The following ST18 variants were observed in gnomAD, a reference collection of about 807,000 sequenced individuals.
ST18 encodes the protein suppression of tumorigenicity 18 protein.
In ST18, 50 loss-of-function variants were observed where a neutral mutation model predicts 110.0. That is an observed-to-expected ratio of 0.45 (90% confidence interval 0.36 to 0.58). ST18 has a LOEUF of 0.58. Among genes scored for constraint, ST18 ranks in the 20% least tolerant of loss-of-function variants. The probability of loss-of-function intolerance (pLI) is 0.00; values close to 1 mark genes in which losing one functional copy is unlikely to be tolerated. For missense variants in ST18, 1,306 were observed against 1,280.1 expected (o/e 1.02, Z -0.31); for synonymous variants, 461 against 452.4 (o/e 1.02, Z -0.24).
At chr8:52,171,519 T>A (rs2064949379) in intron 10 of ST18, 2 of 528,992 alleles carry the variant, frequency 3.8e-6, no homozygotes, top group African/African-American at 3.8e-5. Flanking sequence ...TCTAAAGGTA[T>A]GATGCATTTA....
intron 15 of ST18, among the ~76,000 whole-genome samples, chr8:52,156,060 C>A (rs2059940775): frequency 6.6e-6 from 1 of 152,186 alleles, no homozygotes; most frequent in South Asian, 2.1e-4. Flanking sequence ...GTCAAATTCC[C>A]TGCAAAGCCA....
chr8:52,299,442 A>T (rs949724661), intron 2 of ST18, among the ~76,000 whole-genome samples: 6 of 152,180 alleles, frequency 3.9e-5, no homozygotes, highest in Non-Finnish European at 8.8e-5. Flanking sequence ...ATTTTAAAAT[A>T]TCAGTCTCTA....
rs929750581 is a variant in ST18 at position 52,168,280 on chromosome 8, T to C, written c.1070-1294A>G. ...AGATGCTGATAGTGGAAACAGGCAG[T>C]GTGGTCCTGCCCGAGAAGATGCTGA... On this transcript the variant is annotated intron_variant, in intron 10 of 25. Coordinates refer to ENST00000689386, the MANE Select transcript of ST18 (RefSeq NM_001352837.2). Among the ~76,000 whole-genome samples, 3 of 147,126 alleles carry C rather than the reference T, an allele frequency of 2.0e-5. No homozygotes were observed. In the Admixed American group the frequency reaches 2.1e-4, roughly 10 times the overall value.
At chr8:52,229,024 G>T (rs1201005876) in intron 3 of ST18, among the ~76,000 whole-genome samples, 2 of 152,148 alleles carry the variant, frequency 1.3e-5, no homozygotes, top group African/African-American at 4.8e-5. Flanking sequence ...GTAGAAAACA[G>T]AACTCTCTGA....
rs577370666 is a variant in ST18, at chr8:52,215,794, T to G, written c.1-1537A>C. Among the ~76,000 whole-genome samples, 14 of 152,334 alleles carry G rather than the reference T, an allele frequency of 9.2e-5. 2 individuals are homozygous for G. In the South Asian group the frequency reaches 2.9e-3, roughly 32 times the overall value. ...ACTGCCTAAGATGAAAATGGCTTGG[T>G]TTACTCAGGATAGTAAGCACTGTGT... On this transcript the variant is annotated intron_variant, in intron 6 of 25. Transcript: ENST00000689386.
intron 19 of ST18, among the ~76,000 whole-genome samples, chr8:52,135,994 G>C (rs993786806): frequency 1.6e-4 from 25 of 152,050 alleles, no homozygotes; most frequent in South Asian, 6.2e-4. Flanking sequence ...GGACTAAAAG[G>C]TAGACTATAA....
At chr8:52,398,285 A>G (rs1445261429) in intron 2 of ST18, among the ~76,000 whole-genome samples, 2 of 152,168 alleles carry the variant, frequency 1.3e-5, no homozygotes, top group African/African-American at 2.4e-5. Flanking sequence ...CTACAAATGT[A>G]CTGAATTCAT....
At chr8:52,217,353 T>TC (rs1269948237) in intron 6 of ST18, among the ~76,000 whole-genome samples, 2 of 152,144 alleles carry the variant, frequency 1.3e-5, no homozygotes, top group African/African-American at 4.8e-5. Context: ...ACTCTGCCAC[T>TC]CTTATTTTCC....
At chr8:52,248,621 A>C (rs754985609) in intron 2 of ST18, 6 of 152,224 alleles carry the variant, frequency 3.9e-5, no homozygotes, top group Non-Finnish European at 8.8e-5. Flanking sequence ...AGGATCCTGC[A>C]ATGTTACACT....
chr8:52,331,316 A>G (rs554482175), intron 2 of ST18, among the ~76,000 whole-genome samples: 1 of 151,468 alleles, frequency 6.6e-6, no homozygotes, highest in South Asian at 2.1e-4. Context: ...GTATTTATGA[A>G]TAATATTTGT....
At chr8:52,204,057 G>A (rs1374365154) in intron 8 of ST18, among the ~76,000 whole-genome samples, 1 of 152,198 alleles carries the variant, frequency 6.6e-6, no homozygotes, top group Non-Finnish European at 1.5e-5. Context: ...CATGATGAAT[G>A]TTTAAGGAAG....
At chr8:52,158,672 A>G (rs910119432) in intron 15 of ST18, among the ~76,000 whole-genome samples, 40 of 152,256 alleles carry the variant, frequency 2.6e-4, no homozygotes, top group African/African-American at 7.7e-4. Flanking sequence ...TTGGTACCCC[A>G]ACTTCAAGAG....
intron 16 of ST18, 92 bp downstream of exon 16, chr8:52,149,640 A>G: frequency 6.8e-7 from 1 of 1,477,480 alleles, no homozygotes; most frequent in Non-Finnish European, 9.1e-7. Context: ...TTATCTAAAC[A>G]GGAATGTGAA....
intron 8 of ST18, among the ~76,000 whole-genome samples, chr8:52,180,937 TAAA>T (rs754683266): frequency 8.5e-5 from 13 of 152,168 alleles, no homozygotes; most frequent in Non-Finnish European, 1.9e-4. Context: ...ACAGAACAAA[TAAA>T]AGGAGGAGAA....
At chr8:52,216,994 A>G (rs2084531972) in intron 6 of ST18, among the ~76,000 whole-genome samples, 1 of 152,216 alleles carries the variant, frequency 6.6e-6, no homozygotes, top group Non-Finnish European at 1.5e-5. Flanking sequence ...TCAAGAAATC[A>G]ACCTAACTTG....
In ST18 at chr8:52,205,098, T is replaced by C. The variant is rs73681230; in HGVS notation, c.86+6981A>G. 2.2e-3 allele frequency among the ~76,000 whole-genome samples: 325 copies of C among 148,828 alleles called. 1 individual carries two copies. The highest frequency in any genetic ancestry group is 2.0e-3 in the Non-Finnish European group (137 of 67,034). On this transcript the variant is annotated intron_variant, in intron 8 of 25. Transcript: ENST00000689386. Reference sequence around the variant, plus strand: ...ACCATTTTATATATACATATATATATACACACACACACACACACTATGCTT... The same window carrying C: ...ACCATTTTATATATACATATATATACACACACACACACACACACTATGCTT...
intron 2 of ST18, among the ~76,000 whole-genome samples, chr8:52,321,643 T>C (rs1479297721): frequency 6.6e-6 from 1 of 152,198 alleles, no homozygotes; most frequent in Non-Finnish European, 1.5e-5. Flanking sequence ...ATATTCCTAG[T>C]ATCACAGAGT....
At chr8:52,319,023 C>G (rs1159661503) in intron 2 of ST18, among the ~76,000 whole-genome samples, 1 of 152,058 alleles carries the variant, frequency 6.6e-6, no homozygotes, top group Non-Finnish European at 1.5e-5. Flanking sequence ...AGCAAACCAC[C>G]ATGGCACATG....
At chr8:52,295,793 T>C (rs1277958907) in intron 2 of ST18, among the ~76,000 whole-genome samples, 1 of 147,498 alleles carries the variant, frequency 6.8e-6, no homozygotes, top group African/African-American at 2.5e-5. Context: ...TTGTTGAAAC[T>C]GGACTTGCAG....
Sources: gnomAD v4.1 joint callset for allele counts (sites outside exome capture counted in the v4.1 genomes callset) on GRCh38, gnomAD v4.1.1 for gene constraint, MANE v1.5 for transcripts, NCBI Gene and HGNC (gene_info 2026-07-23, HGNC 2026-07-21) for gene names.